The following CCDC85A variants were observed in gnomAD, a reference collection of about 807,000 sequenced individuals.
CCDC85A encodes coiled-coil domain-containing protein 85A.
A neutral mutation model predicts 50.2 loss-of-function variants in CCDC85A; 38 were observed. The observed-to-expected ratio is 0.76, with a 90% CI of 0.58 to 0.99. The LOEUF is 0.99. CCDC85A is among the 50% of genes least tolerant of loss of function. The pLI is 0.00. For synonymous variants in CCDC85A, 366 were observed against 301.4 expected, an observed-to-expected ratio of 1.21 and a Z score of -2.22; for missense variants, 820 against 742.0, an observed-to-expected ratio of 1.11 and a Z score of -1.22.
chr2:56,374,646 GA>G (rs538019734), intron 4 of CCDC85A, among the ~76,000 whole-genome samples: 1 of 152,042 alleles, frequency 6.6e-6, no homozygotes, highest in Non-Finnish European at 1.5e-5. Flanking sequence ...CTGTCTCTGT[GA>G]AAAAGATAAA....
chr2:56,193,125 G>C lies in CCDC85A; in HGVS notation c.925G>C (p.Val309Leu). Residue 309 changes from valine (V) to leucine (L), a missense_variant, in exon 2 of 6, where the codon GTG becomes CTG. Transcript: ENST00000407595. ...GSSPETLPKH[V>L]LSGSPEHFQK... ...CAGCCCCGAAACGCTGCCCAAGCACGTGCTGAGTGGGAGCCCGGAACACTT... is the reference window on the plus strand; with the variant it reads ...CAGCCCCGAAACGCTGCCCAAGCACCTGCTGAGTGGGAGCCCGGAACACTT... The C allele has an allele frequency of 6.2e-7, 1 of 1,612,946 alleles. No individual in the cohort carries two copies. The highest frequency in any genetic ancestry group is 8.5e-7 in the Non-Finnish European group (1 of 1,179,198).
At chr2:56,315,336 G>A (rs758619335) in intron 2 of CCDC85A, among the ~76,000 whole-genome samples, 4 of 152,044 alleles carry the variant, frequency 2.6e-5, no homozygotes, top group South Asian at 2.1e-4. Context: ...CCCTCCCAGC[G>A]GCCTTTTGGG....
At chr2:56,305,996 T>C (rs1004699239) in intron 2 of CCDC85A, among the ~76,000 whole-genome samples, 4 of 152,200 alleles carry the variant, frequency 2.6e-5, no homozygotes, top group African/African-American at 9.7e-5. Flanking sequence ...CTTCTTTCAT[T>C]GCCTTGACAA....
At chr2:56,183,882 G>A (rs1163630228), upstream of CCDC85A, 4 of 985,256 alleles carry the variant, frequency 4.1e-6, no homozygotes, top group African/African-American at 3.5e-5. Context: ...TCGAGGGCCC[G>A]GGCAGCGGTC....
At chr2:56,215,484 G>A (rs1573036959) in intron 2 of CCDC85A, among the ~76,000 whole-genome samples, 1 of 151,672 alleles carries the variant, frequency 6.6e-6, no homozygotes, top group Non-Finnish European at 1.5e-5. Context: ...TAGGGGGAAG[G>A]CATCCAGTTT....
chr2:56,246,359 T>C (rs1351498969), intron 2 of CCDC85A, among the ~76,000 whole-genome samples: 2 of 152,210 alleles, frequency 1.3e-5, no homozygotes, highest in Non-Finnish European at 2.9e-5. Flanking sequence ...TAATGTCCTT[T>C]GAAGCATAAA....
intron 2 of CCDC85A, among the ~76,000 whole-genome samples, chr2:56,341,359 C>G (rs929384834): frequency 1.3e-5 from 2 of 152,138 alleles, no homozygotes; most frequent in Admixed American, 1.3e-4. Flanking sequence ...AGTTAACAAC[C>G]ACCTGACTAT....
Position 56,295,233 on chromosome 2 carries a change from C to T in CCDC85A, c.1241-47646C>T, listed in dbSNP as rs140068289. ...GCTTCAAAGAAAGAGGTCAATTCAACCAGTGTATTTATTGGACCTTCAAGT... is the reference window on the plus strand; with the variant it reads ...GCTTCAAAGAAAGAGGTCAATTCAATCAGTGTATTTATTGGACCTTCAAGT... On this transcript the variant is annotated intron_variant, in intron 2 of 5. Coordinates refer to ENST00000407595, the MANE Select transcript of CCDC85A (RefSeq NM_001080433.2). Among the ~76,000 whole-genome samples the T allele has an allele frequency of 4.7e-3, 719 of 152,120 alleles. 7 individuals carry two copies. Among genetic ancestry groups the T allele is most frequent in the Middle Eastern group, 0.02 (6 of 294 alleles).
intron 2 of CCDC85A, among the ~76,000 whole-genome samples, chr2:56,341,176 C>T (rs1233509899): frequency 4.6e-5 from 7 of 152,136 alleles, no homozygotes; most frequent in East Asian, 1.9e-4. Context: ...TTAGCCGTCT[C>T]GCATTTCCAG....
At position 56,189,935 on chromosome 2, in the gene CCDC85A, C is replaced by T. The variant is rs117306316; in HGVS notation, c.277-2542C>T. 5.9e-5 allele frequency among the ~76,000 whole-genome samples: 9 copies of T among 151,946 alleles called. No individual in the cohort carries two copies. In the East Asian group the frequency reaches 1.5e-3, roughly 26 times the overall value. ...CAGGCCTGAAAACAGAAAGTGGCAA[C>T]GAGAAGCAAAAAGGAGAGGTGGGAA... On this transcript the variant is annotated intron_variant, in intron 1 of 5. Coordinates refer to ENST00000407595, the MANE Select transcript of CCDC85A (RefSeq NM_001080433.2).
At chr2:56,254,503 A>G (rs963094964) in intron 2 of CCDC85A, among the ~76,000 whole-genome samples, 2 of 152,232 alleles carry the variant, frequency 1.3e-5, no homozygotes, top group African/African-American at 4.8e-5. Flanking sequence ...ACTGTGTTAG[A>G]CATGGCAGAA....
At chr2:56,265,549 A>G (rs1237217671) in intron 2 of CCDC85A, among the ~76,000 whole-genome samples, 1 of 152,216 alleles carries the variant, frequency 6.6e-6, no homozygotes, top group Non-Finnish European at 1.5e-5. Flanking sequence ...AAAAAATGCT[A>G]TTTATCTCTT....
chr2:56,262,299 A>G (rs188525166), intron 2 of CCDC85A, among the ~76,000 whole-genome samples: 1 of 145,600 alleles, frequency 6.9e-6, no homozygotes, highest in African/African-American at 2.4e-5. Flanking sequence ...TTATTTTAGT[A>G]TGAATAGGAG....
At chr2:56,356,161 A>G (rs1573329492) in intron 3 of CCDC85A, among the ~76,000 whole-genome samples, 2 of 152,254 alleles carry the variant, frequency 1.3e-5, no homozygotes, top group East Asian at 3.8e-4. Context: ...GATCACAACT[A>G]AATTGTGTGG....
Position 56,251,409 on chromosome 2 carries a change from T to C in CCDC85A, c.1240+57969T>C, listed in dbSNP as rs13398570. On this transcript the variant is annotated intron_variant, in intron 2 of 5. Transcript: ENST00000407595. ...TTGACGAGTTTCATGTGAGTTTTCC[T>C]CTGGGAATAGTGGCCTTGCCAGTTT... Among the ~76,000 whole-genome samples, 480 of 152,384 alleles carry C rather than the reference T, an allele frequency of 3.1e-3. 1 individual carries two copies. The highest frequency in any genetic ancestry group is 0.011 in the African/African-American group (456 of 41,598).
rs1287913643 is a variant in CCDC85A at position 56,273,678 on chromosome 2, G to A, written c.1241-69201G>A. Among the ~76,000 whole-genome samples, 9 of 134,186 alleles carry A rather than the reference G, an allele frequency of 6.7e-5. No individual in the cohort carries two copies. In the Admixed American group the frequency reaches 7.1e-4, roughly 11 times the overall value. 88.0% of individuals were successfully genotyped at this position (134,186 alleles called of 152,430 possible). ...GTGAACCAAGAAAAAAGGAGAACAT[G>A]GGTTTCAGAATATATATATATATAT... On this transcript the variant is annotated intron_variant, in intron 2 of 5. Coordinates refer to ENST00000407595, the MANE Select transcript of CCDC85A (RefSeq NM_001080433.2).
Position 56,184,081 on chromosome 2 carries a change from C to T in CCDC85A, c.-544C>T. The T allele has an allele frequency of 2.0e-6, 2 of 985,398 alleles. No individual in the cohort carries two copies. The highest frequency in any genetic ancestry group is 1.2e-6 in the Non-Finnish European group (1 of 829,964). 61.0% of individuals were successfully genotyped at this position (985,398 alleles called of 1,614,324 possible). A position where few individuals can be genotyped will look rare whatever the true frequency, so the allele number is the denominator to read the frequency against. ...GAAGGCGGCAGGAGGAGCGCAGCAGCCTTCGGGCAGCCGCGGCGGCGTCGC... is the reference window on the plus strand; with the variant it reads ...GAAGGCGGCAGGAGGAGCGCAGCAGTCTTCGGGCAGCCGCGGCGGCGTCGC... On this transcript the variant is annotated 5_prime_UTR_variant, in exon 1 of 6. Coordinates refer to ENST00000407595, the MANE Select transcript of CCDC85A (RefSeq NM_001080433.2).
intron 2 of CCDC85A, among the ~76,000 whole-genome samples, chr2:56,202,879 G>C (rs1244296200): frequency 6.6e-6 from 1 of 152,126 alleles, no homozygotes; most frequent in African/African-American, 2.4e-5. Context: ...AGAATAATAA[G>C]ACCCTGAAAG....
intron 2 of CCDC85A, among the ~76,000 whole-genome samples, chr2:56,257,387 G>A (rs17047705): frequency 0.29 from 44,340 of 151,936 alleles, 6,756 homozygotes; most frequent in South Asian, 0.4. Context: ...TTTGAAGTGA[G>A]ACCTAAATTA....
Sources: gnomAD v4.1 joint callset for allele counts (sites outside exome capture counted in the v4.1 genomes callset) on GRCh38, gnomAD v4.1.1 for gene constraint, MANE v1.5 for transcripts, NCBI Gene and HGNC (gene_info 2026-07-23, HGNC 2026-07-21) for gene names.